Variants in PUM1 observed in about 807,000 individuals in gnomAD.
The protein encoded by PUM1 is pumilio RNA binding family member 1.
PUM1 carries 13 observed loss-of-function variants against 131.8 expected under a neutral mutation model. That is an observed-to-expected ratio of 0.10 (90% CI 0.06 to 0.16). PUM1 has a LOEUF of 0.16. PUM1 is among the 10% of genes least tolerant of loss of function. The probability of loss-of-function intolerance (pLI) is 1.00; values close to 1 mark genes in which losing one functional copy is unlikely to be tolerated. For missense variants in PUM1, 961 were observed against 1,512.4 expected (o/e 0.64, Z 6.05); for synonymous variants, 509 against 556.5 (o/e 0.91, Z 1.20).
intron 3 of PUM1, among the ~76,000 whole-genome samples, chr1:31,017,938 C>T (rs948017221): frequency 2.6e-5 from 4 of 151,992 alleles, no homozygotes; most frequent in African/African-American, 9.7e-5. Flanking sequence ...AGCAAAGAGG[C>T]CAATGTAGTA....
intron 14 of PUM1, among the ~76,000 whole-genome samples, chr1:30,955,790 G>A (rs1404805923): frequency 6.6e-6 from 1 of 152,044 alleles, no homozygotes; most frequent in African/African-American, 2.4e-5. Flanking sequence ...AGAATTCCAG[G>A]GCCCAGCTTC....
intron 5 of PUM1, among the ~76,000 whole-genome samples, chr1:30,999,606 C>CAAAAAAAAAAAAAAAAAAAA (rs56936440): frequency 3.7e-5 from 2 of 53,980 alleles, no homozygotes; most frequent in African/African-American, 1.4e-4. Flanking sequence ...GACTCTGTCT[C>CAAAAAAAAAAAAAAAAAAAA]AAAAAAAAAA....
chr1:30,945,274 CA>C, intron 18 of PUM1, 71 bp downstream of exon 18: 1 of 1,548,502 alleles, frequency 6.5e-7, no homozygotes, highest in Non-Finnish European at 8.9e-7. Flanking sequence ...GAACATGCCA[CA>C]AATCCTACTC....
chr1:31,049,823 CTTTTTTTTTTT>C (rs773718125), intron 2 of PUM1, among the ~76,000 whole-genome samples: 4 of 80,006 alleles, frequency 5.0e-5, no homozygotes, highest in East Asian at 4.4e-4. Flanking sequence ...ACTGAACTTC[CTTTTTTTTTTT>C]TTTTTTTTTT....
chr1:30,961,749 T>C (rs967170480), intron 14 of PUM1, among the ~76,000 whole-genome samples: 3 of 152,082 alleles, frequency 2.0e-5, no homozygotes, highest in African/African-American at 7.2e-5. Flanking sequence ...ACACGAGATA[T>C]AGGCTGATGT....
chr1:31,035,395 GA>G (rs145331151), intron 2 of PUM1, among the ~76,000 whole-genome samples: 22,458 of 135,536 alleles, frequency 0.17, 1,745 homozygotes, highest in East Asian at 0.26. Flanking sequence ...TGTCTCAAAA[GA>G]AAAAAAAAAA....
intron 5 of PUM1, among the ~76,000 whole-genome samples, chr1:31,000,635 C>T (rs539898830): frequency 4.4e-4 from 67 of 152,258 alleles, no homozygotes; most frequent in African/African-American, 1.6e-3. Flanking sequence ...CTCTTACTGC[C>T]GTGATCTTAA....
At chr1:30,963,081 T>G (rs1278659782) in intron 14 of PUM1, among the ~76,000 whole-genome samples, 8 of 152,160 alleles carry the variant, frequency 5.3e-5, no homozygotes, top group African/African-American at 1.4e-4. Context: ...TCTGTTCAAA[T>G]CTGAGATGAC....
chr1:31,029,913 CAAAAAAAAA>C (rs10592751), intron 2 of PUM1, among the ~76,000 whole-genome samples: 2 of 120,036 alleles, frequency 1.7e-5, no homozygotes, highest in Non-Finnish European at 3.4e-5. Context: ...GATCCTTTTT[CAAAAAAAAA>C]AAAAAAAAAA....
chr1:31,022,385 C>A (rs1570290871), intron 3 of PUM1, among the ~76,000 whole-genome samples: 1 of 152,224 alleles, frequency 6.6e-6, no homozygotes. Flanking sequence ...GCATGTGGAT[C>A]TTCTGCTGCA....
In PUM1 at chr1:31,028,697, AC is replaced by A. The variant is rs1643307496; in HGVS notation, c.432+98del. On this transcript the variant is annotated intron_variant, in intron 3 of 21. Transcript: ENST00000426105. ...AGAATGGCAACAAGGAAAAGCAAGC[AC>A]ATATTTCTGGAGACTAGATTTGGAC... The A allele has an allele frequency of 5.9e-6, 6 of 1,012,660 alleles. No homozygotes were observed. In the East Asian group the frequency reaches 1.4e-4, roughly 24 times the overall value. The allele number at this position is 1,012,660 out of a possible 1,614,324, so 62.7% of individuals were successfully genotyped here.
rs149054000 is a variant in PUM1, at chr1:31,010,012, G to T, written c.433-2910C>A. Among the ~76,000 whole-genome samples, 362 of 152,174 alleles carry T rather than the reference G, an allele frequency of 2.4e-3. 2 individuals carry two copies. The highest frequency in any genetic ancestry group is 7.8e-3 in the African/African-American group (326 of 41,538). On this transcript the variant is annotated intron_variant, in intron 3 of 21. Transcript: ENST00000426105. ...AGGAGAAGCAGGTGAACACATAAGC[G>T]AGGCTATTTTCAGGGTAAATTCTCT...
intron 14 of PUM1, among the ~76,000 whole-genome samples, chr1:30,962,127 A>G (rs1168709895): frequency 6.6e-6 from 1 of 152,234 alleles, no homozygotes. Flanking sequence ...AACATGCACT[A>G]CACACAACAG....
intron 2 of PUM1, among the ~76,000 whole-genome samples, chr1:31,038,956 TTTTATATATATATATATA>T (rs1189911743): frequency 7.1e-5 from 3 of 42,530 alleles, no homozygotes; most frequent in African/African-American, 3.0e-4. Context: ...TGTTTTAAAA[TTTTATATATATATATATA>T]TATATATATA....
At chr1:30,978,974 A>G (rs751472545) in intron 9 of PUM1, among the ~76,000 whole-genome samples, 4 of 152,018 alleles carry the variant, frequency 2.6e-5, no homozygotes, top group Non-Finnish European at 5.9e-5. Flanking sequence ...AAGTGTGGTG[A>G]TGCACAGTAG....
intron 18 of PUM1, among the ~76,000 whole-genome samples, chr1:30,944,948 A>C (rs1396778499): frequency 6.6e-6 from 1 of 152,222 alleles, no homozygotes; most frequent in Non-Finnish European, 1.5e-5. Context: ...AAAGTACATT[A>C]AGATCAGGCA....
At chr1:31,048,954 C>T (rs939763939) in intron 2 of PUM1, among the ~76,000 whole-genome samples, 1 of 152,104 alleles carries the variant, frequency 6.6e-6, no homozygotes, top group Non-Finnish European at 1.5e-5. Context: ...GCCTGTAATC[C>T]TAGTACTTTG....
chr1:31,019,201 A>G (rs972254995), intron 3 of PUM1, among the ~76,000 whole-genome samples: 1 of 152,084 alleles, frequency 6.6e-6, no homozygotes, highest in African/African-American at 2.4e-5. Flanking sequence ...AGAAGTACAA[A>G]ATTAGCCAGG....
chr1:31,010,493 T>C (rs1276967352), intron 3 of PUM1, among the ~76,000 whole-genome samples: 1 of 152,210 alleles, frequency 6.6e-6, no homozygotes, highest in South Asian at 2.1e-4. Context: ...TGCTGCTATG[T>C]TGTGAGCTGC....
Sources: allele counts gnomAD v4.1 joint callset (sites outside exome capture counted in the v4.1 genomes callset), GRCh38; gene constraint gnomAD v4.1.1; transcripts MANE v1.5; gene names NCBI Gene and HGNC (gene_info 2026-07-23, HGNC 2026-07-21).